MARCHF1: variants seen among roughly 807,000 people sequenced by gnomAD.
MARCHF1 encodes the protein E3 ubiquitin-protein ligase MARCHF1.
Under a neutral mutation model 54.2 loss-of-function variants are expected in MARCHF1, and 40 were observed. The observed-to-expected ratio is 0.74, with a 90% confidence interval of 0.57 to 0.96. MARCHF1 has a LOEUF of 0.96. MARCHF1 is among the 40% of genes least tolerant of loss of function. The pLI, the probability that MARCHF1 is intolerant of heterozygous loss-of-function variation, is 0.00. For missense variants in MARCHF1, 586 were observed against 656.5 expected, an observed-to-expected ratio of 0.89 and a Z score of 1.17; for synonymous variants, 236 against 236.3, an observed-to-expected ratio of 1.00 and a Z score of 0.01.
chr4:164,101,838 C>G (rs1316405254), intron 2 of MARCHF1, among the ~76,000 whole-genome samples: 1 of 151,648 alleles, frequency 6.6e-6, no homozygotes, highest in Non-Finnish European at 1.5e-5. Context: ...ACATTCAAAC[C>G]AAAGGCAAAT....
chr4:163,613,253 C>A (rs2292420), intron 6 of MARCHF1, 61 bp downstream of exon 6: 101,096 of 1,503,862 alleles, frequency 0.067, 5,597 homozygotes, highest in East Asian at 0.29. Flanking sequence ...TCAGAACAAA[C>A]AACAAGAATA....
intron 1 of MARCHF1, among the ~76,000 whole-genome samples, chr4:164,342,525 A>C (rs1729959081): frequency 6.8e-6 from 1 of 147,244 alleles, no homozygotes; most frequent in African/African-American, 2.5e-5. Context: ...AAAGTATAAT[A>C]ATAATAATAA....
intron 5 of MARCHF1, among the ~76,000 whole-genome samples, chr4:163,634,182 C>T (rs1349659970): frequency 6.6e-6 from 1 of 152,056 alleles, no homozygotes; most frequent in African/African-American, 2.4e-5. Flanking sequence ...GAAGAAACTG[C>T]ATCAACTAAT....
rs1375226001 is a variant in MARCHF1 at position 163,979,470 on chromosome 4, C to T, written c.-39+9031G>A. 2.2e-3 allele frequency among the ~76,000 whole-genome samples: 310 copies of T among 141,538 alleles called. 2 individuals are homozygous for T. The East Asian group carries it at 0.043, about 20-fold the overall frequency. 92.9% of individuals were successfully genotyped at this position (141,538 alleles called of 152,430 possible). A position where few individuals can be genotyped will look rare whatever the true frequency, so the allele number is the denominator to read the frequency against. On this transcript the variant is annotated intron_variant, in intron 3 of 9. Transcript: ENST00000514618. ...AAGTCTTTGCTATTGTGAATAATGC[C>T]GCAATAAACATACGTGTGCATGTGT...
intron 3 of MARCHF1, among the ~76,000 whole-genome samples, chr4:163,954,244 A>C (rs1752189849): frequency 6.6e-6 from 1 of 152,172 alleles, no homozygotes; most frequent in African/African-American, 2.4e-5. Context: ...AGCATGACTA[A>C]TTCCCAAGAA....
intron 4 of MARCHF1, among the ~76,000 whole-genome samples, chr4:163,721,900 C>T (rs1745479471): frequency 4.0e-5 from 6 of 151,814 alleles, no homozygotes; most frequent in Admixed American, 3.9e-4. Context: ...TTTTATTGCG[C>T]CTATTTGATG....
intron 1 of MARCHF1, among the ~76,000 whole-genome samples, chr4:164,370,205 G>A (rs1730997831): frequency 6.6e-6 from 1 of 152,196 alleles, no homozygotes; most frequent in Admixed American, 6.5e-5. Flanking sequence ...AGCCCTGGAA[G>A]AAAGATATCA....
intron 4 of MARCHF1, among the ~76,000 whole-genome samples, chr4:163,841,431 A>C (rs775131376): frequency 7.5e-6 from 1 of 133,694 alleles, no homozygotes; most frequent in Non-Finnish European, 1.6e-5. Context: ...TAAAATTGCT[A>C]TATAAAATAG....
chr4:164,181,808 A>T (rs1730840888), intron 1 of MARCHF1, among the ~76,000 whole-genome samples: 1 of 152,182 alleles, frequency 6.6e-6, no homozygotes. Flanking sequence ...ACAGTCCATG[A>T]ACTACTGTTA....
At chr4:164,113,022 A>G (rs1308625185) in intron 1 of MARCHF1, among the ~76,000 whole-genome samples, 1 of 133,776 alleles carries the variant, frequency 7.5e-6, no homozygotes, top group Non-Finnish European at 1.6e-5. Context: ...TTAAAGAATG[A>G]TATCTTTCCT....
At chr4:164,160,572 T>G (rs1233541714) in intron 1 of MARCHF1, among the ~76,000 whole-genome samples, 1 of 152,206 alleles carries the variant, frequency 6.6e-6, no homozygotes, top group Non-Finnish European at 1.5e-5. Flanking sequence ...ATAAAATGTT[T>G]TGCATTTAAA....
chr4:164,176,441 A>G (rs1289976424), intron 1 of MARCHF1, among the ~76,000 whole-genome samples: 1 of 152,182 alleles, frequency 6.6e-6, no homozygotes, highest in Non-Finnish European at 1.5e-5. Context: ...AGACTGATGC[A>G]TATCACAAGG....
At chr4:163,650,865 C>T (rs577058022) in intron 5 of MARCHF1, among the ~76,000 whole-genome samples, 10 of 151,914 alleles carry the variant, frequency 6.6e-5, no homozygotes, top group East Asian at 1.9e-4. Flanking sequence ...ATGTTGTCGT[C>T]GTAGAAAGAA....
At chr4:164,263,468 C>T (rs1476083990) in intron 1 of MARCHF1, among the ~76,000 whole-genome samples, 1 of 152,074 alleles carries the variant, frequency 6.6e-6, no homozygotes, top group Non-Finnish European at 1.5e-5. Flanking sequence ...ATGATCATAG[C>T]ACATTACAGC....
intron 1 of MARCHF1, among the ~76,000 whole-genome samples, chr4:164,284,900 T>C (rs2111347682): frequency 6.6e-6 from 1 of 151,268 alleles, no homozygotes; most frequent in South Asian, 2.1e-4. Context: ...TTCCAAAGAA[T>C]TAGGTTTCTC....
intron 5 of MARCHF1, among the ~76,000 whole-genome samples, chr4:163,643,259 C>A (rs9637654): frequency 6.6e-6 from 1 of 150,956 alleles, no homozygotes; most frequent in African/African-American, 2.4e-5. Flanking sequence ...GCCTGGGAGG[C>A]GGAGGTTGCA....
intron 1 of MARCHF1, among the ~76,000 whole-genome samples, chr4:164,226,324 A>C (rs1371213732): frequency 6.6e-6 from 1 of 152,068 alleles, no homozygotes; most frequent in African/African-American, 2.4e-5. Context: ...TCAGCAATAA[A>C]TTATTATGGG....
intron 1 of MARCHF1, among the ~76,000 whole-genome samples, chr4:164,249,717 A>T (rs961161328): frequency 6.6e-6 from 1 of 151,900 alleles, no homozygotes; most frequent in African/African-American, 2.4e-5. Context: ...TTAAAAAAAA[A>T]TGACCCATGC....
chr4:164,272,091 T>C (rs1733758503), intron 1 of MARCHF1, among the ~76,000 whole-genome samples: 1 of 151,876 alleles, frequency 6.6e-6, no homozygotes, highest in South Asian at 2.1e-4. Context: ...GCTTTTTACA[T>C]CCATGAGCCT....
Sources: gnomAD v4.1 joint callset for allele counts (sites outside exome capture counted in the v4.1 genomes callset) on GRCh38, gnomAD v4.1.1 for gene constraint, MANE v1.5 for transcripts, NCBI Gene and HGNC (gene_info 2026-07-23, HGNC 2026-07-21) for gene names.